Variants in DHX34 observed in about 807,000 individuals in gnomAD.
DHX34 encodes DExH-box helicase 34, also known as probable ATP-dependent RNA helicase DHX34.
DHX34 carries 96 observed loss-of-function variants against 111.1 expected under a neutral mutation model. The observed-to-expected ratio is 0.86, with a 90% CI of 0.73 to 1.02. The LOEUF (loss-of-function observed/expected upper bound fraction) is 1.02, where lower values mean the gene tolerates loss of function less well. DHX34 is among the 50% of genes least tolerant of loss of function. The pLI is 0.00. For synonymous variants in DHX34, 688 were observed against 670.4 expected, an observed-to-expected ratio of 1.03 and a Z score of -0.41; for missense variants, 1,560 against 1,579.9, an observed-to-expected ratio of 0.99 and a Z score of 0.21.
Position 47,353,589 on chromosome 19 carries a change from A to G in DHX34, c.559A>G (p.Thr187Ala), listed in dbSNP as rs1166711310. The G allele has an allele frequency of 1.2e-6, 2 of 1,613,044 alleles. No homozygotes were observed. The highest frequency in any genetic ancestry group is 1.7e-6 in the Non-Finnish European group (2 of 1,180,024). Reference protein sequence around the residue: ...EHQVVVVAGDTGCGKSTQVPQ... With the variant: ...EHQVVVVAGDAGCGKSTQVPQ... ...CCAGGTGGTGGTAGTGGCCGGTGAC[A>G]CCGGCTGTGGCAAGTCCACTCAGGT... is the stretch of plus-strand genomic sequence containing the variant. The change falls in exon 2 of 17, where the codon ACC becomes GCC. Residue 187 changes from threonine (T) to alanine (A), a missense_variant. Coordinates refer to ENST00000328771, the MANE Select transcript of DHX34 (RefSeq NM_014681.6). The surrounding 1 kb of genome is among the most constrained non-coding windows in gnomAD (Gnocchi z 4.6).
At chr19:47,377,486 T>C (rs563256107) in intron 13 of DHX34, among the ~76,000 whole-genome samples, 13 of 134,370 alleles carry the variant, frequency 9.7e-5, no homozygotes, top group African/African-American at 4.1e-4. Flanking sequence ...TCTCGGGCTC[T>C]AGTGGCAGGG....
chr19:47,363,740 C>T (rs1422377058), intron 6 of DHX34, among the ~76,000 whole-genome samples: 1 of 150,702 alleles, frequency 6.6e-6, no homozygotes. Flanking sequence ...ATTGCTTGAA[C>T]CCAGGAGGTG....
chr19:47,365,087 C>T (rs1250993616), intron 6 of DHX34, among the ~76,000 whole-genome samples: 8 of 151,914 alleles, frequency 5.3e-5, no homozygotes, highest in Non-Finnish European at 1.0e-4. Context: ...CCCTATGCCC[C>T]GCAATTGTCT....
chr19:47,367,895 CA>C (rs1226350533), intron 7 of DHX34, among the ~76,000 whole-genome samples: 380 of 46,134 alleles, frequency 8.2e-3, no homozygotes, highest in African/African-American at 0.023. Context: ...GACTCCATCT[CA>C]AAAAAAAAAA....
Position 47,353,044 on chromosome 19 carries a change from GA to G in DHX34, c.16del (p.Thr6GlnfsTer170). On this transcript the variant is annotated frameshift_variant, in exon 2 of 17. Coordinates refer to ENST00000328771, the MANE Select transcript of DHX34 (RefSeq NM_014681.6). LOFTEE classifies it high-confidence loss of function. This position sits in a 1 kb window ranked among gnomAD's most constrained non-coding sequence, Gnocchi z 4.6. ...TGGATTAGTAACATGCCTCCTCCTA[GA>G]ACAAGGGAGGGCAGGGATCGCCGAG... is the stretch of plus-strand genomic sequence containing the variant. MPPP[R>X]TREGRDRRDH... 1.9e-6 allele frequency: 3 copies of G among 1,612,358 alleles called. No individual in the cohort carries two copies. The highest frequency in any genetic ancestry group is 2.5e-6 in the Non-Finnish European group (3 of 1,178,566).
intron 7 of DHX34, among the ~76,000 whole-genome samples, chr19:47,370,290 C>T (rs1052913132): frequency 2.6e-5 from 4 of 152,190 alleles, no homozygotes; most frequent in Admixed American, 6.5e-5. Flanking sequence ...ATCCCCCAAA[C>T]GCAGAAAGAA....
At chr19:47,359,012 G>T (rs902105016) in intron 4 of DHX34, among the ~76,000 whole-genome samples, 1 of 152,168 alleles carries the variant, frequency 6.6e-6, no homozygotes, top group Non-Finnish European at 1.5e-5. Flanking sequence ...CTCCCCTAGT[G>T]GGGGCAGTGC....
At chr19:47,356,676 G>A (rs999809537) in intron 3 of DHX34, among the ~76,000 whole-genome samples, 4 of 151,598 alleles carry the variant, frequency 2.6e-5, no homozygotes, top group Non-Finnish European at 5.9e-5. Context: ...AGTGCGAGCC[G>A]AGTGTGGTGG....
intron 6 of DHX34, among the ~76,000 whole-genome samples, chr19:47,365,757 A>T (rs1969770915): frequency 6.6e-6 from 1 of 152,128 alleles, no homozygotes; most frequent in South Asian, 2.1e-4. Context: ...TCCTTCTTCC[A>T]GTCACCAGAG....
chr19:47,353,790 G>A lies in DHX34; in HGVS notation c.705+55G>A. 6.9e-7 allele frequency: 1 copy of A among 1,444,730 alleles called. No homozygotes were observed. The highest frequency in any genetic ancestry group is 9.2e-7 in the Non-Finnish European group (1 of 1,090,670). The allele number at this position is 1,444,730 out of a possible 1,614,324, so 89.5% of individuals were successfully genotyped here. A position where few individuals can be genotyped will look rare whatever the true frequency, so the allele number is the denominator to read the frequency against. On this transcript the variant is annotated intron_variant, in intron 2 of 16. Coordinates refer to ENST00000328771, the MANE Select transcript of DHX34 (RefSeq NM_014681.6). The surrounding 1 kb of genome is among the most constrained non-coding windows in gnomAD (Gnocchi z 4.6). The stretch of plus-strand genomic sequence containing the variant: ...TTCCAGCGTGACCTTGGGGGAATAG[G>A]TTGCTTGTCCATATGGCAGTATCAA...
intron 11 of DHX34, 118 bp downstream of exon 11, chr19:47,376,215 C>T (rs1457267983): frequency 3.3e-5 from 48 of 1,448,766 alleles, no homozygotes; most frequent in Non-Finnish European, 4.0e-5. Flanking sequence ...CCCCATGGGG[C>T]TCACAACCCA....
chr19:47,362,757 CT>C (rs1599760427), intron 6 of DHX34, 64 bp downstream of exon 6: 43 of 1,391,604 alleles, frequency 3.1e-5, no homozygotes, highest in Admixed American at 5.6e-5. Flanking sequence ...CCTGGGAGGC[CT>C]TTTTTATTTT....
At chr19:47,351,211 CT>C (rs1969278897) in intron 1 of DHX34, among the ~76,000 whole-genome samples, 1 of 129,778 alleles carries the variant, frequency 7.7e-6, no homozygotes. Context: ...CAGAGTCTCG[CT>C]CTGTTGCCCA....
intron 7 of DHX34, among the ~76,000 whole-genome samples, chr19:47,368,109 G>A (rs1969848272): frequency 1.3e-5 from 2 of 149,560 alleles, no homozygotes; most frequent in South Asian, 4.2e-4. Flanking sequence ...TGTGGCCAGA[G>A]GCGGCCGTAT....
Position 47,362,672 on chromosome 19 carries a change from C to T in DHX34, c.1572C>T (p.Ala524=). The T allele has an allele frequency of 1.2e-6, 2 of 1,612,682 alleles. No homozygotes were observed. Among genetic ancestry groups the T allele is most frequent in the Non-Finnish European group, 1.7e-6 (2 of 1,179,708 alleles). The change falls in exon 6 of 17, where the codon GCC becomes GCT. Residue 524 remains alanine (A), a synonymous_variant. Transcript: ENST00000328771. ...CCGTCCCAGAAATTCGGAGGGTGGC[C>T]CTGGACTCGTTGGTGCTGCAGGTGA... ...PYPVPEIRRV[A]LDSLVLQMKS... is the part of the protein sequence containing the mutation.
At position 47,357,903 on chromosome 19, in the gene DHX34, C is replaced by G. The variant is rs962075067; in HGVS notation, c.1055C>G (p.Ser352Cys). ...YQPQEAEPTTSKSEKLDPRPF... is the reference protein window; with the variant it reads ...YQPQEAEPTTCKSEKLDPRPF... ...CCGCAGGAGGCGGAGCCGACCACGT[C>G]CAAGTCAGAGAAGCTGGACCCGCGG... The change falls in exon 4 of 17, where the codon TCC (serine) becomes TGC (cysteine). Residue 352 changes from serine (S) to cysteine (C), a missense_variant. Transcript: ENST00000328771. 34 of 1,613,838 alleles carry G rather than the reference C, an allele frequency of 2.1e-5. No homozygotes were observed. The highest frequency in any genetic ancestry group is 2.5e-5 in the Non-Finnish European group (30 of 1,180,020).
intron 1 of DHX34, among the ~76,000 whole-genome samples, chr19:47,350,369 A>C (rs1969247972): frequency 6.6e-6 from 1 of 152,078 alleles, no homozygotes; most frequent in South Asian, 2.1e-4. Flanking sequence ...GTGCCACTGC[A>C]CTTCAGGCTG....
At chr19:47,369,004 A>T (rs1176833854) in intron 7 of DHX34, among the ~76,000 whole-genome samples, 4 of 152,116 alleles carry the variant, frequency 2.6e-5, no homozygotes, top group Non-Finnish European at 4.4e-5. Context: ...CAGCTTCATG[A>T]GTAGCTAAAA....
chr19:47,374,849 C>T (rs1970083263), intron 9 of DHX34, among the ~76,000 whole-genome samples: 1 of 152,180 alleles, frequency 6.6e-6, no homozygotes, highest in Non-Finnish European at 1.5e-5. Flanking sequence ...TACAGACACA[C>T]ATGCACGCAC....
Sources: gnomAD v4.1 joint callset for allele counts (sites outside exome capture counted in the v4.1 genomes callset) on GRCh38, gnomAD v4.1.1 for gene constraint, Gnocchi (gnomAD v3.1) non-coding constraint, MANE v1.5 for transcripts, NCBI Gene and HGNC (gene_info 2026-07-23, HGNC 2026-07-21) for gene names.